Variants in TOPORS observed in about 807,000 individuals in gnomAD.
TOPORS encodes the protein E3 ubiquitin-protein ligase Topors.
TOPORS carries 25 observed loss-of-function variants against 81.4 expected under a neutral mutation model. The observed-to-expected ratio is 0.31, with a 90% confidence interval of 0.22 to 0.43. TOPORS has a LOEUF of 0.43. Ranked by LOEUF, TOPORS falls within the 20% of genes least tolerant of loss-of-function variation. The probability of loss-of-function intolerance (pLI) is 1.00; values close to 1 mark genes in which losing one functional copy is unlikely to be tolerated. For missense variants in TOPORS, 1,101 were observed against 1,267.0 expected, an observed-to-expected ratio of 0.87 and a Z score of 1.99; for synonymous variants, 473 against 456.6, an observed-to-expected ratio of 1.04 and a Z score of -0.46.
At position 32,541,409 on chromosome 9, in the gene TOPORS, C is replaced by A. The variant is rs756814963; in HGVS notation, c.3116G>T (p.Gly1039Val). The A allele has an allele frequency of 1.2e-6, 2 of 1,614,182 alleles. No homozygotes were observed. Among genetic ancestry groups the A allele is most frequent in the Non-Finnish European group, 1.7e-6 (2 of 1,180,026 alleles). ...GTTTTAAGACATATCACAGTCTCTA[C>A]CAAGACATACTGACATTAATGATGT... ...PRTSLMSVCLGRDCDMS is the reference protein window; with the variant it reads ...PRTSLMSVCLVRDCDMS The change falls in exon 3 of 3, where the codon GGT (glycine) becomes GTT (valine). Residue 1039 changes from glycine (G) to valine (V), a missense_variant. Around this residue, in one of 9 missense-constraint regions of TOPORS, gnomAD observed 605 missense variants for 636.1 expected, o/e 0.95. Transcript: ENST00000360538.
chr9:32,548,141 C>A (rs1275020864), intron 2 of TOPORS, among the ~76,000 whole-genome samples: 1 of 151,252 alleles, frequency 6.6e-6, no homozygotes, highest in Non-Finnish European at 1.5e-5. Context: ...TAAGCCACCG[C>A]GCCCAGCCCG....
intron 2 of TOPORS, among the ~76,000 whole-genome samples, chr9:32,545,167 T>C (rs546271115): frequency 3.3e-5 from 5 of 152,306 alleles, no homozygotes; most frequent in African/African-American, 1.2e-4. Context: ...AAATGTCAGC[T>C]GTTATTATTA....
Position 32,552,467 on chromosome 9 carries a change from G to A in TOPORS, c.-31C>T. ...CAGTAAGTCGTCGCACGCTGGACTGGATTTATTCAGTGGTAAGTCCCGGGG... is the reference window on the plus strand; with the variant it reads ...CAGTAAGTCGTCGCACGCTGGACTGAATTTATTCAGTGGTAAGTCCCGGGG... On this transcript the variant is annotated 5_prime_UTR_variant, in exon 1 of 3. Coordinates refer to ENST00000360538, the MANE Select transcript of TOPORS (RefSeq NM_005802.5). The A allele has an allele frequency of 6.3e-7, 1 of 1,599,640 alleles. No homozygotes were observed. Among genetic ancestry groups the A allele is most frequent in the Non-Finnish European group, 8.5e-7 (1 of 1,173,644 alleles).
In TOPORS at chr9:32,541,189, A is replaced by G. The variant is rs548994272; in HGVS notation, c.*198T>C. 13 of 542,218 alleles carry G rather than the reference A, an allele frequency of 2.4e-5. No individual in the cohort carries two copies. Among genetic ancestry groups the G allele is most frequent in the Non-Finnish European group, 3.2e-5 (10 of 308,752 alleles). The allele number at this position is 542,218 out of a possible 1,614,324, so 33.6% of individuals were successfully genotyped here. ...TATCATTTTCTTCACTTAAAAGTGCATATCTTTGAGGGTGGGACATACATT... is the reference window on the plus strand; with the variant it reads ...TATCATTTTCTTCACTTAAAAGTGCGTATCTTTGAGGGTGGGACATACATT... On this transcript the variant is annotated 3_prime_UTR_variant, in exon 3 of 3. Transcript: ENST00000360538.
At chr9:32,547,487 T>G (rs1179538987) in intron 2 of TOPORS, among the ~76,000 whole-genome samples, 1 of 152,176 alleles carries the variant, frequency 6.6e-6, no homozygotes, top group Non-Finnish European at 1.5e-5. Context: ...TAAAATGTGG[T>G]CTATCCACAC....
Position 32,552,429 on chromosome 9 carries a change from C to T in TOPORS, c.3+5G>A. The T allele has an allele frequency of 6.2e-7, 1 of 1,609,666 alleles. No individual in the cohort carries two copies. Among genetic ancestry groups the T allele is most frequent in the Non-Finnish European group, 8.5e-7 (1 of 1,178,386 alleles). On this transcript the variant is annotated splice_donor_5th_base_variant and intron_variant, in intron 1 of 2. Coordinates refer to ENST00000360538, the MANE Select transcript of TOPORS (RefSeq NM_005802.5). ...AGCTCCCGCGGACTGCTGCCGCCTC[C>T]TTACCATGAAGCCAGTAAGTCGTCG...
rs751404670 is a variant in TOPORS at position 32,541,405 on chromosome 9, T to A, written c.3120A>T (p.Arg1040Ser). ...GGCAGTTTTAAGACATATCACAGTC[T>A]CTACCAAGACATACTGACATTAATG... ...RTSLMSVCLGRDCDMS is the reference protein window; with the variant it reads ...RTSLMSVCLGSDCDMS The change falls in exon 3 of 3, where the codon AGA (arginine) becomes AGT (serine). Residue 1040 changes from arginine to serine, a missense_variant. Coordinates refer to ENST00000360538, the MANE Select transcript of TOPORS (RefSeq NM_005802.5). The A allele has an allele frequency of 6.2e-7, 1 of 1,614,092 alleles. No homozygotes were observed. The highest frequency in any genetic ancestry group is 1.7e-5 in the Admixed American group (1 of 60,010).
intron 1 of TOPORS, chr9:32,551,647 C>T (rs1045789124): frequency 3.5e-6 from 1 of 285,692 alleles, no homozygotes; most frequent in Admixed American, 3.8e-5. Flanking sequence ...GATTCTACTC[C>T]TCAGGCCTCA....
chr9:32,547,979 C>G (rs924322325), intron 2 of TOPORS, among the ~76,000 whole-genome samples: 1 of 149,102 alleles, frequency 6.7e-6, no homozygotes, highest in African/African-American at 2.5e-5. Flanking sequence ...GGATTACAGG[C>G]GCCCGCCACC....
rs1374146990 is a variant in TOPORS, at chr9:32,550,987, A to G, written c.4-19T>C. ...GCGACCCCTGTGACGCAAAGGGCTC[A>G]TCACCAATGGCAGCTCGGAAGCAGG... On this transcript the variant is annotated intron_variant, in intron 1 of 2. Transcript: ENST00000360538. 6.2e-7 allele frequency: 1 copy of G among 1,608,230 alleles called. No homozygotes were observed. Among genetic ancestry groups the G allele is most frequent in the Non-Finnish European group, 8.5e-7 (1 of 1,179,690 alleles).
rs764588736 is a variant in TOPORS at position 32,542,791 on chromosome 9, T to C, written c.1734A>G (p.Val578=). The C allele has an allele frequency of 8.1e-6, 13 of 1,613,948 alleles. No individual in the cohort carries two copies. The East Asian group carries it at 2.7e-4, about 33-fold the overall frequency. ...ATGGAGAATATACTCTGTCTCCTCT[T>C]ACAGATGAGTTCAGGTTTCTGGGAG... The part of the protein sequence containing the change: ...LSSPRNLNSS[V]RGDRVYSPYN... Residue 578 remains valine, a synonymous_variant, in exon 3 of 3, where the codon GTA becomes GTG. Coordinates refer to ENST00000360538, the MANE Select transcript of TOPORS (RefSeq NM_005802.5).
intron 2 of TOPORS, among the ~76,000 whole-genome samples, chr9:32,547,497 C>T (rs1203348275): frequency 2.0e-5 from 3 of 152,086 alleles, no homozygotes; most frequent in Non-Finnish European, 2.9e-5. Context: ...TCTATCCACA[C>T]TATGGAATTT....
At position 32,543,295 on chromosome 9, in the gene TOPORS, A is replaced by G. The variant is rs755699342; in HGVS notation, c.1230T>C (p.Thr410=). 7 of 1,614,070 alleles carry G rather than the reference A, an allele frequency of 4.3e-6. No individual in the cohort carries two copies. Among genetic ancestry groups the G allele is most frequent in the Non-Finnish European group, 5.9e-6 (7 of 1,180,016 alleles). Residue 410 remains threonine (T), a synonymous_variant, in exon 3 of 3, where the codon ACT becomes ACC. Coordinates refer to ENST00000360538, the MANE Select transcript of TOPORS (RefSeq NM_005802.5). This position sits in a 1 kb window ranked among gnomAD's most constrained non-coding sequence, Gnocchi z 5.6. ...CATCATCCCATGGTGCCTGACTAAC[A>G]GTGGCTACATTAATATCCAGCTCTT... ...ETQELDINVA[T]VSQAPWDDET...
chr9:32,546,635 A>G (rs1407516590), intron 2 of TOPORS, among the ~76,000 whole-genome samples: 3 of 152,220 alleles, frequency 2.0e-5, no homozygotes, highest in African/African-American at 7.2e-5. Context: ...ACAGCTGAAA[A>G]TGAATTTATT....
At position 32,542,135 on chromosome 9, in the gene TOPORS, T is replaced by C. The variant is rs1304060234; in HGVS notation, c.2390A>G (p.Lys797Arg). 4 of 1,614,132 alleles carry C rather than the reference T, an allele frequency of 2.5e-6. No homozygotes were observed. Among genetic ancestry groups the C allele is most frequent in the African/African-American group, 1.3e-5 (1 of 75,038 alleles). Reference protein sequence around the residue: ...VRNEKPGGKRKYKTRHLEGTN... With the variant: ...VRNEKPGGKRRYKTRHLEGTN... Reference sequence around the variant, plus strand: ...ACCCTCCAAATGCCGTGTTTTGTATTTTCGTTTCCCTCCAGGCTTTTCATT... The same window carrying C: ...ACCCTCCAAATGCCGTGTTTTGTATCTTCGTTTCCCTCCAGGCTTTTCATT... Residue 797 changes from lysine to arginine, a missense_variant, in exon 3 of 3, where the codon AAA (lysine) becomes AGA (arginine). Lys to Arg is a conservative substitution (Grantham distance 26, BLOSUM62 2). This residue lies in a region of TOPORS where 605 missense variants were observed against 636.1 expected (regional missense o/e 0.95). Transcript: ENST00000360538.
Position 32,542,783 on chromosome 9 carries a change from TCTC to T in TOPORS, c.1739_1741del (p.Gly580del), listed in dbSNP as rs749896856. ...ATGGTTATATGGAGAATATACTCTGTCTCCTCTTACAGATGAGTTCAGGTTTCT... is the reference window on the plus strand; with the variant it reads ...ATGGTTATATGGAGAATATACTCTGTCTCTTACAGATGAGTTCAGGTTTCT... On this transcript the variant is annotated inframe_deletion, in exon 3 of 3. Coordinates refer to ENST00000360538, the MANE Select transcript of TOPORS (RefSeq NM_005802.5). The T allele has an allele frequency of 6.2e-7, 1 of 1,614,086 alleles. No individual in the cohort carries two copies. Among genetic ancestry groups the T allele is most frequent in the Non-Finnish European group, 8.5e-7 (1 of 1,180,040 alleles).
Position 32,541,741 on chromosome 9 carries a change from A to G in TOPORS, c.2784T>C (p.Asn928=). ...SEVKEDTECD[N]SGPQDPLQNE... Reference sequence around the variant, plus strand: ...TTTGTAGAGGGTCTTGAGGACCACTATTGTCACATTCTGTATCCTCCTTTA... The same window carrying G: ...TTTGTAGAGGGTCTTGAGGACCACTGTTGTCACATTCTGTATCCTCCTTTA... Residue 928 remains asparagine (N), a synonymous_variant, in exon 3 of 3, where the codon AAT becomes AAC. Transcript: ENST00000360538. 1.9e-6 allele frequency: 3 copies of G among 1,614,198 alleles called. No individual in the cohort carries two copies. The highest frequency in any genetic ancestry group is 1.1e-5 in the South Asian group (1 of 91,082).
At chr9:32,547,030 CCT>C (rs1328006130) in intron 2 of TOPORS, among the ~76,000 whole-genome samples, 1 of 119,346 alleles carries the variant, frequency 8.4e-6, no homozygotes, top group Non-Finnish European at 1.9e-5. Flanking sequence ...AGAATGAGAC[CCT>C]GTTTCAAAAC....
rs140007254 is a variant in TOPORS, at chr9:32,542,805, G to A, written c.1720C>T (p.Leu574=). Residue 574 remains leucine (L), a synonymous_variant, in exon 3 of 3, where the codon CTG becomes TTG. Transcript: ENST00000360538. ...CTGTCTCCTCTTACAGATGAGTTCAGGTTTCTGGGAGATGACAATGATGTA... is the reference window on the plus strand; with the variant it reads ...CTGTCTCCTCTTACAGATGAGTTCAAGTTTCTGGGAGATGACAATGATGTA... ...RSTSLSSPRN[L]NSSVRGDRVY... The A allele has an allele frequency of 6.2e-7, 1 of 1,613,836 alleles. No individual in the cohort carries two copies. The highest frequency in any genetic ancestry group is 1.3e-5 in the African/African-American group (1 of 74,906).
Sources: allele counts gnomAD v4.1 joint callset (sites outside exome capture counted in the v4.1 genomes callset), GRCh38; gene constraint gnomAD v4.1.1; regional missense constraint gnomAD v4.1.1; non-coding constraint Gnocchi (gnomAD v3.1); transcripts MANE v1.5; gene names NCBI Gene and HGNC (gene_info 2026-07-23, HGNC 2026-07-21).